TLN2: variants seen among roughly 807,000 people sequenced by gnomAD.
The protein encoded by TLN2 is talin-2.
TLN2 carries 118 observed loss-of-function variants against 294.7 expected under a neutral mutation model. The ratio of observed to expected loss-of-function variants is 0.40; its 90% CI spans 0.34 to 0.47. TLN2 has a LOEUF of 0.47. Among genes scored for constraint, TLN2 ranks in the 20% least tolerant of loss-of-function variants. The pLI is 0.84. For synonymous variants in TLN2, 1,431 were observed against 1,304.5 expected (o/e 1.10, Z -2.09); for missense variants, 3,083 against 3,282.2 (o/e 0.94, Z 1.48).
chr15:62,724,101 G>A (rs28484816), intron 26 of TLN2, among the ~76,000 whole-genome samples: 1 of 151,810 alleles, frequency 6.6e-6, no homozygotes. Context: ...TGTGCCAAGA[G>A]CATGCCACTG....
chr15:62,491,345 TATATATACACACACAC>T (rs1270056898), intron 1 of TLN2, among the ~76,000 whole-genome samples: 138 of 115,204 alleles, frequency 1.2e-3, no homozygotes, highest in African/African-American at 4.3e-3. Flanking sequence ...AAAATATATA[TATATATACACACACAC>T]ACACACACAC....
At chr15:62,819,410 T>A in intron 52 of TLN2, 106 bp from the exon 53 acceptor site, 1 of 937,120 alleles carries the variant, frequency 1.1e-6, no homozygotes. Context: ...GAGATGCAAC[T>A]TAAAACCAGG....
intron 11 of TLN2, chr15:62,683,103 G>A (rs1223269536): frequency 6.6e-6 from 1 of 152,268 alleles, no homozygotes; most frequent in African/African-American, 2.4e-5. Flanking sequence ...ATGCAAACCA[G>A]CCCTTTGGCC....
intron 41 of TLN2, among the ~76,000 whole-genome samples, chr15:62,767,069 T>A (rs1419578467): frequency 6.6e-6 from 1 of 152,230 alleles, no homozygotes; most frequent in African/African-American, 2.4e-5. Flanking sequence ...ATTGGATTTT[T>A]AACCACCTTG....
At chr15:62,521,584 T>A (rs942642464) in intron 1 of TLN2, among the ~76,000 whole-genome samples, 1 of 152,042 alleles carries the variant, frequency 6.6e-6, no homozygotes, top group African/African-American at 2.4e-5. Flanking sequence ...TGAGTTAAGA[T>A]GAGGGGGGTT....
intron 3 of TLN2, among the ~76,000 whole-genome samples, chr15:62,629,107 G>A (rs535986873): frequency 6.6e-6 from 1 of 152,300 alleles, no homozygotes; most frequent in East Asian, 1.9e-4. Context: ...AGAGGTGGGA[G>A]GATTGCTTGA....
At chr15:62,598,856 G>A (rs907577574) in intron 2 of TLN2, among the ~76,000 whole-genome samples, 1 of 152,048 alleles carries the variant, frequency 6.6e-6, no homozygotes, top group Non-Finnish European at 1.5e-5. Flanking sequence ...GTGACCGGAT[G>A]GATGGCAGGT....
In TLN2 at chr15:62,607,739, T is replaced by TTG. The variant is rs201084031; in HGVS notation, c.-161-10601_-161-10600dup. Among the ~76,000 whole-genome samples the TTG allele has an allele frequency of 6.6e-5, 10 of 151,994 alleles. No homozygotes were observed. In the East Asian group the frequency reaches 1.5e-3, roughly 24 times the overall value. ...GATTTCCCCACTTCCCCGCTCTTTTTTGTGTGTGTGTGCACAAGTCCATGT... is the reference window on the plus strand; with the variant it reads ...GATTTCCCCACTTCCCCGCTCTTTTTTGTGTGTGTGTGTGCACAAGTCCATGT... On this transcript the variant is annotated intron_variant, in intron 2 of 58. Transcript: ENST00000636159.
At chr15:62,548,098 C>T (rs1023823584) in intron 1 of TLN2, among the ~76,000 whole-genome samples, 9 of 152,140 alleles carry the variant, frequency 5.9e-5, no homozygotes, top group African/African-American at 2.2e-4. Context: ...AAATAGGACA[C>T]AGATGACAAC....
At chr15:62,593,207 T>C (rs1409010304) in intron 2 of TLN2, among the ~76,000 whole-genome samples, 1 of 152,190 alleles carries the variant, frequency 6.6e-6, no homozygotes, top group Non-Finnish European at 1.5e-5. Flanking sequence ...TTATGCACTT[T>C]TGTCTTCCTG....
intron 54 of TLN2, chr15:62,830,120 T>G (rs2068648041): frequency 6.6e-6 from 1 of 152,234 alleles, no homozygotes; most frequent in South Asian, 2.1e-4. Flanking sequence ...AAAGATTATT[T>G]TAGCGGGTCT....
chr15:62,719,409 C>T (rs1472823596), intron 24 of TLN2, among the ~76,000 whole-genome samples: 3 of 152,204 alleles, frequency 2.0e-5, no homozygotes, highest in African/African-American at 7.2e-5. Flanking sequence ...TTCAGTTTAC[C>T]ACCTGTGAAT....
rs1567654899 is a variant in TLN2 at position 62,809,977 on chromosome 15, G to GT, written c.6719dup (p.Gly2241ArgfsTer82). 1 of 1,614,068 alleles carries GT rather than the reference G, an allele frequency of 6.2e-7. No individual in the cohort carries two copies. The highest frequency in any genetic ancestry group is 8.5e-7 in the Non-Finnish European group (1 of 1,180,034). ...GACGAGGTGAGAACCAGAGCCTTGC[G>GT]TTTCGGGACGGAGTGCACCCTTGGC... On this transcript the variant is annotated frameshift_variant, in exon 52 of 59. Coordinates refer to ENST00000636159, the MANE Select transcript of TLN2 (RefSeq NM_015059.3). LOFTEE classifies it high-confidence loss of function.
At chr15:62,489,262 A>G (rs555467787) in intron 1 of TLN2, among the ~76,000 whole-genome samples, 79 of 152,304 alleles carry the variant, frequency 5.2e-4, no homozygotes, top group African/African-American at 1.9e-3. Flanking sequence ...CACTTTTTCT[A>G]AAACAGTCCT....
At chr15:62,400,239 A>G (rs1156741585) in intron 1 of TLN2, among the ~76,000 whole-genome samples, 1 of 152,150 alleles carries the variant, frequency 6.6e-6, no homozygotes, top group Non-Finnish European at 1.5e-5. Context: ...AGACCTCCCC[A>G]CCATGCTGAA....
intron 1 of TLN2, among the ~76,000 whole-genome samples, chr15:62,525,630 A>G (rs2040693265): frequency 1.3e-5 from 2 of 152,184 alleles, no homozygotes; most frequent in African/African-American, 2.4e-5. Context: ...TTTCTTGTCA[A>G]TGTTGGTTTC....
intron 1 of TLN2, among the ~76,000 whole-genome samples, chr15:62,410,132 C>G (rs1217458985): frequency 6.6e-6 from 1 of 152,036 alleles, no homozygotes; most frequent in African/African-American, 2.4e-5. Flanking sequence ...ATCCCAGCTA[C>G]TCAGGAGGCT....
intron 22 of TLN2, among the ~76,000 whole-genome samples, chr15:62,712,637 T>A (rs2059495668): frequency 1.3e-5 from 2 of 152,350 alleles, no homozygotes; most frequent in South Asian, 4.1e-4. Context: ...AGCGGTCTGA[T>A]ACACAGCCCC....
rs116330386 is a variant in TLN2 at position 62,619,714 on chromosome 15, A to G, written c.-37+1239A>G. 9.1e-3 allele frequency among the ~76,000 whole-genome samples: 1,390 copies of G among 152,328 alleles called. 24 individuals carry two copies. Among genetic ancestry groups the G allele is most frequent in the African/African-American group, 0.031 (1,289 of 41,574 alleles). On this transcript the variant is annotated intron_variant, in intron 3 of 58. Coordinates refer to ENST00000636159, the MANE Select transcript of TLN2 (RefSeq NM_015059.3). Reference sequence around the variant, plus strand: ...ACATAGAGGAGAATGGCATGTGAAGATGGAGCCCCCCAGAAGCTGAAAGGA... The same window carrying G: ...ACATAGAGGAGAATGGCATGTGAAGGTGGAGCCCCCCAGAAGCTGAAAGGA...
Sources: gnomAD v4.1 joint callset for allele counts (sites outside exome capture counted in the v4.1 genomes callset) on GRCh38, gnomAD v4.1.1 for gene constraint, MANE v1.5 for transcripts, NCBI Gene and HGNC (gene_info 2026-07-23, HGNC 2026-07-21) for gene names.